PSMC3IP: variants seen among roughly 807,000 people sequenced by gnomAD.
PSMC3IP encodes PSMC3 interacting protein, also known as homologous-pairing protein 2 homolog.
In PSMC3IP, 26 loss-of-function variants were observed where a neutral mutation model predicts 34.9. The observed-to-expected ratio is 0.74, with a 90% CI of 0.55 to 1.03. The LOEUF (loss-of-function observed/expected upper bound fraction) is 1.03, where lower values mean the gene tolerates loss of function less well. Ranked by LOEUF, PSMC3IP falls within the 50% of genes least tolerant of loss-of-function variation. The probability of loss-of-function intolerance (pLI) is 0.00; values close to 1 mark genes in which losing one functional copy is unlikely to be tolerated. For missense variants in PSMC3IP, 250 were observed against 263.1 expected (o/e 0.95, Z 0.34); for synonymous variants, 87 against 96.5 (o/e 0.90, Z 0.57).
chr17:42,572,697 C>T lies in PSMC3IP; in HGVS notation c.*271G>A, dbSNP rs1266448885. Reference sequence around the variant, plus strand: ...TAAAATTAAATTATAATAAATATTGCCAAATGCTTTCCTTTAGCATTGTTC... The same window carrying T: ...TAAAATTAAATTATAATAAATATTGTCAAATGCTTTCCTTTAGCATTGTTC... On this transcript the variant is annotated 3_prime_UTR_variant, in exon 8 of 8. Transcript: ENST00000393795. The T allele has an allele frequency of 3.9e-6, 2 of 519,376 alleles. No homozygotes were observed. Among genetic ancestry groups the T allele is most frequent in the Admixed American group, 4.5e-5 (2 of 44,430 alleles). 32.2% of individuals were successfully genotyped at this position (519,376 alleles called of 1,614,324 possible). A position where few individuals can be genotyped will look rare whatever the true frequency, so the allele number is the denominator to read the frequency against.
At position 42,574,156 on chromosome 17, in the gene PSMC3IP, C is replaced by T. The variant is rs140033860; in HGVS notation, c.280G>A (p.Val94Met). 62 of 1,614,132 alleles carry T rather than the reference C, an allele frequency of 3.8e-5. No individual in the cohort carries two copies. The African/African-American group carries it at 6.8e-4, about 18-fold the overall frequency. ...ADLQVLDGKI[V>M]ALTAKVQSLQ... ...CTCTGCACCTTAGCAGTGAGGGCCACGATTTTGCCATCTAGGACTTGAAGG... is the reference window on the plus strand; with the variant it reads ...CTCTGCACCTTAGCAGTGAGGGCCATGATTTTGCCATCTAGGACTTGAAGG... The change falls in exon 4 of 8, where the codon GTG (valine) becomes ATG (methionine). Residue 94 changes from valine to methionine, a missense_variant. Physicochemically the swap from Val to Met is conservative, Grantham distance 21 (BLOSUM62 1). Coordinates refer to ENST00000393795, the MANE Select transcript of PSMC3IP (RefSeq NM_016556.4).
chr17:42,577,157 T>A (rs749836326), intron 3 of PSMC3IP, 56 bp downstream of exon 3: 14 of 1,612,168 alleles, frequency 8.7e-6, no homozygotes, highest in East Asian at 2.2e-5. Flanking sequence ...ACACCAGGAG[T>A]AGATTCACCC....
At chr17:42,576,324 T>A (rs562156033) in intron 3 of PSMC3IP, among the ~76,000 whole-genome samples, 99 of 152,302 alleles carry the variant, frequency 6.5e-4, no homozygotes, top group African/African-American at 2.4e-3. Flanking sequence ...TAGAGAGCCA[T>A]TGAAGAGTTT....
rs141988583 is a variant in PSMC3IP, at chr17:42,574,776, C to T, written c.226-566G>A. Among the ~76,000 whole-genome samples, 933 of 136,084 alleles carry T rather than the reference C, an allele frequency of 6.9e-3. 6 individuals carry two copies. Among genetic ancestry groups the T allele is most frequent in the Non-Finnish European group, 0.011 (706 of 61,520 alleles). The allele number at this position is 136,084 out of a possible 152,430, so 89.3% of individuals were successfully genotyped here. On this transcript the variant is annotated intron_variant, in intron 3 of 7. Transcript: ENST00000393795. ...TTCTCCCTCCCTTCCCTCTTTTCCT[C>T]TCTTTCTTTCTCTGTCACCCAGGCC...
chr17:42,577,064 C>T (rs1038175762), intron 3 of PSMC3IP, 149 bp downstream of exon 3: 2 of 1,525,154 alleles, frequency 1.3e-6, no homozygotes, highest in South Asian at 1.2e-5. Context: ...GGGATCCTAA[C>T]AAGAGGAGTA....
At chr17:42,576,819 T>A in intron 3 of PSMC3IP, 1 of 318,780 alleles carries the variant, frequency 3.1e-6, no homozygotes, top group Non-Finnish European at 6.1e-6. Flanking sequence ...GTGGCAATTT[T>A]GACTCTGATA....
rs532416579 is a variant in PSMC3IP, at chr17:42,577,333, G to C, written c.136-31C>G. ...AGAGGAGAGAGAAGGAGCAATCAGA[G>C]GAGTCTGAGCCTGGGTCTGGGGAAA... On this transcript the variant is annotated intron_variant, in intron 2 of 7. Coordinates refer to ENST00000393795, the MANE Select transcript of PSMC3IP (RefSeq NM_016556.4). The C allele has an allele frequency of 1.9e-6, 3 of 1,612,248 alleles. No homozygotes were observed. The South Asian group carries it at 3.3e-5, about 18-fold the overall frequency.
intron 3 of PSMC3IP, chr17:42,574,419 A>G (rs2093059901): frequency 7.7e-7 from 1 of 1,302,150 alleles, no homozygotes; most frequent in East Asian, 3.0e-5. Context: ...AGAAAAGCTG[A>G]AATCTAATGC....
intron 3 of PSMC3IP, among the ~76,000 whole-genome samples, chr17:42,575,103 C>T (rs1040721158): frequency 6.6e-6 from 1 of 152,090 alleles, no homozygotes; most frequent in Non-Finnish European, 1.5e-5. Flanking sequence ...GAGCTTCTCT[C>T]ATGAGGGGCC....
Position 42,572,587 on chromosome 17 carries a change from C to A in PSMC3IP, c.*381G>T. 1 of 453,184 alleles carries A rather than the reference C, an allele frequency of 2.2e-6. No individual in the cohort carries two copies. Among genetic ancestry groups the A allele is most frequent in the Non-Finnish European group, 4.4e-6 (1 of 226,216 alleles). The allele number at this position is 453,184 out of a possible 1,614,324, so 28.1% of individuals were successfully genotyped here. A position where few individuals can be genotyped will look rare whatever the true frequency, so the allele number is the denominator to read the frequency against. On this transcript the variant is annotated 3_prime_UTR_variant, in exon 8 of 8. Coordinates refer to ENST00000393795, the MANE Select transcript of PSMC3IP (RefSeq NM_016556.4). Reference sequence around the variant, plus strand: ...TCGTTTTATAGCAACCTCTCTCTACCCTAGTTCTCCAAATTCACTTCTGCC... The same window carrying A: ...TCGTTTTATAGCAACCTCTCTCTACACTAGTTCTCCAAATTCACTTCTGCC...
intron 3 of PSMC3IP, among the ~76,000 whole-genome samples, chr17:42,574,883 A>T (rs1597725134): frequency 1.3e-5 from 2 of 152,136 alleles, no homozygotes; most frequent in East Asian, 3.9e-4. Context: ...CCTCCTAAGT[A>T]GCTGGGATTA....
intron 3 of PSMC3IP, among the ~76,000 whole-genome samples, chr17:42,576,285 C>T (rs1429507972): frequency 2.6e-5 from 4 of 152,124 alleles, no homozygotes; most frequent in South Asian, 2.1e-4. Flanking sequence ...GGGCGTCTTC[C>T]GGTGCCTTTT....
At chr17:42,576,847 C>G (rs1335837766) in intron 3 of PSMC3IP, 24 of 337,806 alleles carry the variant, frequency 7.1e-5, no homozygotes, top group South Asian at 5.7e-4. Context: ...CTGACAGATT[C>G]CAGCTGGAGG....
Position 42,577,701 on chromosome 17 carries a change from C to A in PSMC3IP, c.-15G>T, listed in dbSNP as rs2093085683. ...CCTTTACTCATCGCCTTTCCCGCCA[C>A]CCAACTCAGAAAGCCGGACGTTGTA... On this transcript the variant is annotated 5_prime_UTR_variant, in exon 1 of 8. Coordinates refer to ENST00000393795, the MANE Select transcript of PSMC3IP (RefSeq NM_016556.4). 6.2e-7 allele frequency: 1 copy of A among 1,613,870 alleles called. No homozygotes were observed. The highest frequency in any genetic ancestry group is 1.7e-5 in the Admixed American group (1 of 60,008).
intron 3 of PSMC3IP, among the ~76,000 whole-genome samples, chr17:42,575,439 C>G (rs2093069477): frequency 6.6e-6 from 1 of 152,164 alleles, no homozygotes. Flanking sequence ...ATATGGCCCA[C>G]AAATCCTAAA....
At chr17:42,576,710 G>C (rs2093077701) in intron 3 of PSMC3IP, 1 of 195,432 alleles carries the variant, frequency 5.1e-6, no homozygotes, top group Non-Finnish European at 1.1e-5. Context: ...GTCAAGAATT[G>C]CTCCCAATTT....
At chr17:42,574,653 ATCCTTCTTTCCACCTTCCTCTCTCCC>A (rs2093061582) in intron 3 of PSMC3IP, among the ~76,000 whole-genome samples, 1 of 146,290 alleles carries the variant, frequency 6.8e-6, no homozygotes, top group African/African-American at 2.5e-5. Flanking sequence ...CTTTCTTCCC[ATCCTTCTTTCCACCTTCCTCTCTCCC>A]TCCTTCCTTC....
At chr17:42,573,073 C>G (rs1421038415) in intron 7 of PSMC3IP, 34 bp downstream of exon 7, 1 of 1,614,052 alleles carries the variant, frequency 6.2e-7, no homozygotes, top group Admixed American at 1.7e-5. Flanking sequence ...GATAAGACCA[C>G]AGGGAAGCAA....
At chr17:42,574,568 A>AATAG (rs1288021102) in intron 3 of PSMC3IP, among the ~76,000 whole-genome samples, 3 of 152,184 alleles carry the variant, frequency 2.0e-5, no homozygotes, top group East Asian at 1.9e-4. Context: ...GGGTTTCCAT[A>AATAG]ATAGATAGAA....
Sources: gnomAD v4.1 joint callset for allele counts (sites outside exome capture counted in the v4.1 genomes callset) on GRCh38, gnomAD v4.1.1 for gene constraint, MANE v1.5 for transcripts, NCBI Gene and HGNC (gene_info 2026-07-23, HGNC 2026-07-21) for gene names.